Variants in CFAP299 observed in about 807,000 individuals in gnomAD.
The protein encoded by CFAP299 is cilia- and flagella-associated protein 299.
CFAP299 carries 21 observed loss-of-function variants against 27.0 expected under a neutral mutation model. That is an observed-to-expected ratio of 0.78 (90% confidence interval 0.55 to 1.12). The LOEUF is 1.12. CFAP299 is among the 50% of genes most tolerant of loss of function. The pLI is 0.00. For synonymous variants in CFAP299, 104 were observed against 98.1 expected, an observed-to-expected ratio of 1.06 and a Z score of -0.36; for missense variants, 310 against 276.6, an observed-to-expected ratio of 1.12 and a Z score of -0.86.
At chr4:80,780,632 T>G (rs1194095460) in intron 3 of CFAP299, among the ~76,000 whole-genome samples, 2 of 152,050 alleles carry the variant, frequency 1.3e-5, no homozygotes, top group Non-Finnish European at 2.9e-5. Flanking sequence ...TTATATCTAC[T>G]GCTTTAAATG....
intron 3 of CFAP299, among the ~76,000 whole-genome samples, chr4:80,734,258 A>G (rs905075467): frequency 3.3e-5 from 5 of 152,088 alleles, no homozygotes; most frequent in African/African-American, 9.7e-5. Flanking sequence ...TGCCATTTGT[A>G]TGACTTCTTT....
At chr4:80,545,170 A>G (rs939373485) in intron 2 of CFAP299, among the ~76,000 whole-genome samples, 5 of 152,196 alleles carry the variant, frequency 3.3e-5, no homozygotes, top group African/African-American at 9.6e-5. Flanking sequence ...CAGATGCAAC[A>G]TAAAAGAATC....
intron 3 of CFAP299, among the ~76,000 whole-genome samples, chr4:80,710,038 GAAT>G (rs1381566566): frequency 6.6e-6 from 1 of 152,096 alleles, no homozygotes; most frequent in African/African-American, 2.4e-5. Flanking sequence ...CATAAAGTGG[GAAT>G]AATACTAGCA....
chr4:80,592,339 C>A (rs186555712), intron 3 of CFAP299, among the ~76,000 whole-genome samples: 114 of 152,202 alleles, frequency 7.5e-4, no homozygotes, highest in African/African-American at 2.6e-3. Context: ...GACTATTTGA[C>A]CCTTGATGCA....
intron 3 of CFAP299, among the ~76,000 whole-genome samples, chr4:80,802,571 A>G (rs961899960): frequency 1.3e-5 from 2 of 152,022 alleles, no homozygotes; most frequent in African/African-American, 2.4e-5. Flanking sequence ...CTGCCATCAA[A>G]AAGTATTTGA....
At chr4:80,631,143 G>A (rs1190260530) in intron 3 of CFAP299, among the ~76,000 whole-genome samples, 1 of 151,970 alleles carries the variant, frequency 6.6e-6, no homozygotes, top group South Asian at 2.1e-4. Flanking sequence ...ATAGTCACTA[G>A]TTGATTTTAC....
At chr4:80,762,112 T>G (rs1578099796) in intron 3 of CFAP299, among the ~76,000 whole-genome samples, 1 of 151,926 alleles carries the variant, frequency 6.6e-6, no homozygotes, top group African/African-American at 2.4e-5. Flanking sequence ...GGTGCTAAAT[T>G]TTATTTTGGT....
chr4:80,746,631 T>C (rs1001573384), intron 3 of CFAP299, among the ~76,000 whole-genome samples: 3 of 151,944 alleles, frequency 2.0e-5, no homozygotes, highest in African/African-American at 7.2e-5. Flanking sequence ...ATGGGTATGC[T>C]CCTTAGTGTT....
chr4:80,868,248 T>A (rs892313606), intron 3 of CFAP299, among the ~76,000 whole-genome samples: 2 of 152,052 alleles, frequency 1.3e-5, no homozygotes, highest in African/African-American at 2.4e-5. Flanking sequence ...TTATTATTTT[T>A]TCTTTATCTT....
chr4:80,561,972 A>G (rs1735055785), intron 2 of CFAP299, among the ~76,000 whole-genome samples: 1 of 152,196 alleles, frequency 6.6e-6, no homozygotes, highest in Admixed American at 6.6e-5. Flanking sequence ...ATGTGGTAAG[A>G]TATAAATAAA....
chr4:80,792,929 A>G (rs1307733184), intron 3 of CFAP299, among the ~76,000 whole-genome samples: 1 of 152,086 alleles, frequency 6.6e-6, no homozygotes, highest in Non-Finnish European at 1.5e-5. Flanking sequence ...CAGTTTGTTT[A>G]TATTCTGACT....
rs1049018915 is a variant in CFAP299 at position 80,581,893 on chromosome 4, G to A, written c.243-1200G>A. Among the ~76,000 whole-genome samples the A allele has an allele frequency of 1.1e-4, 16 of 151,798 alleles. No homozygotes were observed. The East Asian group carries it at 3.1e-3, about 29-fold the overall frequency. ...TTGGTTCAACGCTTTCTGGTAGCAT[G>A]AGCACACAAACCTTCCCTGAAAGGG... On this transcript the variant is annotated intron_variant, in intron 2 of 5. Transcript: ENST00000358105.
chr4:80,600,590 A>C (rs1737288633), intron 3 of CFAP299, among the ~76,000 whole-genome samples: 1 of 152,140 alleles, frequency 6.6e-6, no homozygotes, highest in Non-Finnish European at 1.5e-5. Context: ...AAAGTGGCAA[A>C]ATTAAGAATG....
At chr4:80,351,162 T>A (rs900808258) in intron 1 of CFAP299, among the ~76,000 whole-genome samples, 2 of 152,104 alleles carry the variant, frequency 1.3e-5, no homozygotes, top group African/African-American at 2.4e-5. Context: ...GAAGGAAAAT[T>A]ATATATAAGC....
intron 2 of CFAP299, among the ~76,000 whole-genome samples, chr4:80,473,815 C>T (rs1466927058): frequency 6.6e-6 from 1 of 152,016 alleles, no homozygotes; most frequent in Admixed American, 6.5e-5. Flanking sequence ...TGGTTTCAAA[C>T]TCCTGGGCTG....
At chr4:80,695,603 A>G (rs141406337) in intron 3 of CFAP299, among the ~76,000 whole-genome samples, 1 of 151,892 alleles carries the variant, frequency 6.6e-6, no homozygotes, top group Admixed American at 6.6e-5. Flanking sequence ...TCAAAAATCA[A>G]CCAGTGTAGA....
At chr4:80,855,211 T>C (rs1731776568) in intron 3 of CFAP299, among the ~76,000 whole-genome samples, 1 of 152,114 alleles carries the variant, frequency 6.6e-6, no homozygotes, top group African/African-American at 2.4e-5. Flanking sequence ...AGCATATATA[T>C]TATATGCATA....
At chr4:80,495,878 C>T (rs190677740) in intron 2 of CFAP299, among the ~76,000 whole-genome samples, 15 of 152,304 alleles carry the variant, frequency 9.8e-5, no homozygotes, top group African/African-American at 3.4e-4. Flanking sequence ...AGGTGTACCT[C>T]TGCCCTTTTG....
chr4:80,961,317 A>G (rs1340546363), intron 5 of CFAP299, among the ~76,000 whole-genome samples: 1 of 151,772 alleles, frequency 6.6e-6, no homozygotes, highest in Middle Eastern at 3.2e-3. Flanking sequence ...GCTTATTTTG[A>G]ACCAAAATTA....
Sources: gnomAD v4.1 joint callset for allele counts (sites outside exome capture counted in the v4.1 genomes callset) on GRCh38, gnomAD v4.1.1 for gene constraint, MANE v1.5 for transcripts, NCBI Gene and HGNC (gene_info 2026-07-23, HGNC 2026-07-21) for gene names.